Variants in VPS13C observed in about 807,000 individuals in gnomAD.
VPS13C encodes intermembrane lipid transfer protein VPS13C.
Under a neutral mutation model 456.8 loss-of-function variants are expected in VPS13C, and 358 were observed. That is an observed-to-expected ratio of 0.78 (90% confidence interval 0.72 to 0.86). VPS13C has a LOEUF of 0.86. Among genes scored for constraint, VPS13C ranks in the 40% least tolerant of loss-of-function variants. The pLI is 0.00. For synonymous variants in VPS13C, 1,578 were observed against 1,486.7 expected (o/e 1.06, Z -1.41); for missense variants, 4,818 against 4,385.4 (o/e 1.10, Z -2.79).
At position 62,001,809 on chromosome 15, in the gene VPS13C, A is replaced by G. The variant is rs1284513512; in HGVS notation, c.1291-1183T>C. Among the ~76,000 whole-genome samples, 5 of 152,104 alleles carry G rather than the reference A, an allele frequency of 3.3e-5. No homozygotes were observed. In the East Asian group the frequency reaches 7.7e-4, roughly 23 times the overall value. On this transcript the variant is annotated intron_variant, in intron 15 of 84. Transcript: ENST00000644861. ...TTGCGATAGTTTACTGAGAATGATGATTTCCAATTTCATCCATGTCCCTAC... is the reference window on the plus strand; with the variant it reads ...TTGCGATAGTTTACTGAGAATGATGGTTTCCAATTTCATCCATGTCCCTAC...
rs916748811 is a variant in VPS13C, at chr15:62,011,293, G to A, written c.884-694C>T. The stretch of plus-strand genomic sequence containing the variant: ...AAATTTTCAACTGCTTTAAAAGCTA[G>A]TTATAAATGGAAAATGCCTAAGAAT... On this transcript the variant is annotated intron_variant, in intron 12 of 84. Transcript: ENST00000644861. 9.2e-5 allele frequency among the ~76,000 whole-genome samples: 14 copies of A among 152,012 alleles called. 1 individual carries two copies. The highest frequency in any genetic ancestry group is 4.6e-4 in the Admixed American group (7 of 15,258).
chr15:61,905,001 G>A (rs570009421), intron 66 of VPS13C, among the ~76,000 whole-genome samples: 15 of 152,192 alleles, frequency 9.9e-5, no homozygotes, highest in African/African-American at 3.4e-4. Context: ...GAGGGAACAA[G>A]AGAAGTTGGT....
In VPS13C at chr15:61,927,322, T is replaced by G. The variant is rs1318363289; in HGVS notation, c.6287-2A>C. On this transcript the variant is annotated splice_acceptor_variant, in intron 51 of 84. Coordinates refer to ENST00000644861, the MANE Select transcript of VPS13C (RefSeq NM_020821.3). LOFTEE classifies it high-confidence loss of function. ...TCATATTTGGTCTAACAGAGTCATC[T>G]GAAGAAACAAGCAACAGGAACCAGA... 6.2e-7 allele frequency: 1 copy of G among 1,610,342 alleles called. No homozygotes were observed.
intron 51 of VPS13C, among the ~76,000 whole-genome samples, chr15:61,928,998 G>T (rs992486223): frequency 6.6e-6 from 1 of 152,108 alleles, no homozygotes; most frequent in African/African-American, 2.4e-5. Flanking sequence ...GATAATGCTG[G>T]AATAAAAGAA....
intron 46 of VPS13C, 133 bp downstream of exon 46, chr15:61,941,630 A>C (rs765942638): frequency 6.3e-6 from 6 of 950,478 alleles, no homozygotes; most frequent in Non-Finnish European, 1.5e-6. Flanking sequence ...CAAGAAGCCA[A>C]TGGTCAAGGT....
chr15:62,051,650 T>C (rs2048622339), intron 1 of VPS13C, among the ~76,000 whole-genome samples: 2 of 152,164 alleles, frequency 1.3e-5, no homozygotes, highest in African/African-American at 4.8e-5. Context: ...AGCGTGGTTG[T>C]CGGTTCCACT....
Position 62,060,264 on chromosome 15 carries a change from C to T in VPS13C, c.100+11G>A. ...GCGCCCGCAGCCCACTGGCCGCGCC[C>T]TCTCGCTTACCGCCCCAGATGCCCA... is the stretch of plus-strand genomic sequence containing the variant. On this transcript the variant is annotated intron_variant, in intron 1 of 84. Transcript: ENST00000644861. 1.3e-6 allele frequency: 2 copies of T among 1,587,084 alleles called. No individual in the cohort carries two copies. The highest frequency in any genetic ancestry group is 1.7e-6 in the Non-Finnish European group (2 of 1,162,326).
rs2045784307 is a variant in VPS13C, at chr15:61,978,678, A to G, written c.2238T>C (p.Tyr746=). 6.2e-7 allele frequency: 1 copy of G among 1,613,068 alleles called. No individual in the cohort carries two copies. Among genetic ancestry groups the G allele is most frequent in the Non-Finnish European group, 8.5e-7 (1 of 1,179,620 alleles). The change falls in exon 23 of 85, where the codon TAT becomes TAC. Residue 746 remains tyrosine, a synonymous_variant. Coordinates refer to ENST00000644861, the MANE Select transcript of VPS13C (RefSeq NM_020821.3). ...SSLEEIMDKA[Y]DKFDVEIKNV... ...TTTTTATTTCAACATCAAACTTGTC[A>G]TATGCCTTATCCATTATTTCTTCCA... is the stretch of plus-strand genomic sequence containing the variant.
intron 16 of VPS13C, among the ~76,000 whole-genome samples, chr15:61,994,316 C>A (rs1168768384): frequency 6.6e-6 from 1 of 152,166 alleles, no homozygotes; most frequent in Non-Finnish European, 1.5e-5. Context: ...GCTAAAGCAA[C>A]TTAAGTCATG....
chr15:61,944,902 C>A (rs190223766), intron 45 of VPS13C, among the ~76,000 whole-genome samples: 171 of 152,244 alleles, frequency 1.1e-3, no homozygotes, highest in Non-Finnish European at 1.9e-3. Context: ...AGATTTAAAT[C>A]CTTCAGCCCA....
At chr15:61,897,704 C>T (rs2042870748) in intron 66 of VPS13C, among the ~76,000 whole-genome samples, 1 of 151,912 alleles carries the variant, frequency 6.6e-6, no homozygotes, top group East Asian at 1.9e-4. Flanking sequence ...GAGAACTTCC[C>T]CAATCTAGTA....
intron 33 of VPS13C, 31 bp from the exon 34 acceptor site, chr15:61,962,569 C>A: frequency 3.2e-6 from 5 of 1,574,718 alleles, no homozygotes; most frequent in African/African-American, 1.4e-5. Context: ...TGTACTCTAT[C>A]CGGGAAGGTA....
chr15:61,946,221 T>C lies in VPS13C; in HGVS notation c.4980+86A>G, dbSNP rs2044600131. ...AAAGTGCCTGGTACATGACAGATAA[T>C]AAATGTATACTGTGCAAATAAATAA... On this transcript the variant is annotated intron_variant, in intron 44 of 84. Coordinates refer to ENST00000644861, the MANE Select transcript of VPS13C (RefSeq NM_020821.3). 3.9e-6 allele frequency: 4 copies of C among 1,038,800 alleles called. No homozygotes were observed. In the African/African-American group the frequency reaches 6.5e-5, roughly 17 times the overall value. 64.3% of individuals were successfully genotyped at this position (1,038,800 alleles called of 1,614,324 possible).
intron 16 of VPS13C, among the ~76,000 whole-genome samples, chr15:61,997,623 T>C (rs2046433637): frequency 1.3e-5 from 2 of 152,152 alleles, no homozygotes; most frequent in Admixed American, 1.3e-4. Context: ...AAATCCATCC[T>C]TCCAACTGCT....
intron 61 of VPS13C, among the ~76,000 whole-genome samples, chr15:61,914,878 TAAAAAAAAAAAA>T (rs60910951): frequency 0.046 from 4,722 of 102,100 alleles, 224 homozygotes; most frequent in Non-Finnish European, 0.056. Context: ...AACTCTGCCT[TAAAAAAAAAAAA>T]AAAAAAAAAA....
Position 61,941,818 on chromosome 15 carries a change from G to T in VPS13C, c.5398C>A (p.Leu1800Ile), listed in dbSNP as rs1596360783. Reference protein sequence around the residue: ...FSLVPMEHYSLPPVIDKMNIE... With the variant: ...FSLVPMEHYSIPPVIDKMNIE... ...TTCATTTTATCAATGACTGGAGGAAGAGAATAATGTTCCATAGGAACCAAG... is the reference window on the plus strand; with the variant it reads ...TTCATTTTATCAATGACTGGAGGAATAGAATAATGTTCCATAGGAACCAAG... Residue 1800 changes from leucine (L) to isoleucine (I), a missense_variant, in exon 46 of 85, where the codon CTT becomes ATT. This residue lies in a region of VPS13C where 4,552 missense variants were observed against 4,130.6 expected (regional missense o/e 1.10). Coordinates refer to ENST00000644861, the MANE Select transcript of VPS13C (RefSeq NM_020821.3). 6.2e-7 allele frequency: 1 copy of T among 1,613,638 alleles called. No homozygotes were observed. The highest frequency in any genetic ancestry group is 1.3e-5 in the African/African-American group (1 of 75,056).
chr15:62,041,201 A>T, intron 3 of VPS13C, 123 bp downstream of exon 3: 1 of 920,768 alleles, frequency 1.1e-6, no homozygotes, highest in African/African-American at 1.7e-5. Context: ...TACGAGCTCT[A>T]ATTAATGAGG....
rs2047939341 is a variant in VPS13C at position 62,034,954 on chromosome 15, T to C, written c.283+3A>G. Reference sequence around the variant, plus strand: ...TGAATGGTTATAACCTAAAATAACATACTTGCTCCAGGGACAACAAGCAGG... The same window carrying C: ...TGAATGGTTATAACCTAAAATAACACACTTGCTCCAGGGACAACAAGCAGG... On this transcript the variant is annotated splice_donor_region_variant and intron_variant, in intron 4 of 84. Coordinates refer to ENST00000644861, the MANE Select transcript of VPS13C (RefSeq NM_020821.3). 1.3e-6 allele frequency: 2 copies of C among 1,587,484 alleles called. No homozygotes were observed. The highest frequency in any genetic ancestry group is 1.2e-5 in the South Asian group (1 of 86,172).
At chr15:61,958,053 T>G (rs1176145833) in intron 37 of VPS13C, among the ~76,000 whole-genome samples, 1 of 151,534 alleles carries the variant, frequency 6.6e-6, no homozygotes, top group Non-Finnish European at 1.5e-5. Context: ...CAACATTTTA[T>G]ATATATATAT....
Sources: allele counts gnomAD v4.1 joint callset (sites outside exome capture counted in the v4.1 genomes callset), GRCh38; gene constraint gnomAD v4.1.1; regional missense constraint gnomAD v4.1.1; transcripts MANE v1.5; gene names NCBI Gene and HGNC (gene_info 2026-07-23, HGNC 2026-07-21).